SLC6A15: variants seen among roughly 807,000 people sequenced by gnomAD.
SLC6A15 encodes the protein sodium-dependent neutral amino acid transporter B(0)AT2.
A neutral mutation model predicts 68.5 loss-of-function variants in SLC6A15; 33 were observed. The observed-to-expected ratio is 0.48, with a 90% CI of 0.37 to 0.64. SLC6A15 has a LOEUF of 0.64. Ranked by LOEUF, SLC6A15 falls within the 30% of genes least tolerant of loss-of-function variation. SLC6A15 has a pLI of 0.00. For synonymous variants in SLC6A15, 347 were observed against 301.0 expected (o/e 1.15, Z -1.58); for missense variants, 747 against 874.3 (o/e 0.85, Z 1.84).
intron 1 of SLC6A15, among the ~76,000 whole-genome samples, chr12:84,902,709 G>T (rs1322815023): frequency 2.6e-5 from 4 of 151,494 alleles, no homozygotes; most frequent in Non-Finnish European, 4.4e-5. Context: ...TGTACCTAAA[G>T]GAAATGATAC....
chr12:84,903,543 G>A (rs965070336), intron 1 of SLC6A15, among the ~76,000 whole-genome samples: 5 of 152,088 alleles, frequency 3.3e-5, no homozygotes, highest in African/African-American at 4.8e-5. Context: ...CAAAATCAAG[G>A]CGTTACCAGG....
In SLC6A15 at chr12:84,861,876, C is replaced by T. The variant is rs1206250639; in HGVS notation, c.1949G>A (p.Gly650Asp). Residue 650 changes from glycine (G) to aspartate (D), a missense_variant, in exon 12 of 12, where the codon GGT (glycine) becomes GAT (aspartate). Gly to Asp is a moderately conservative substitution (Grantham distance 94, BLOSUM62 -1). Coordinates refer to ENST00000266682, the MANE Select transcript of SLC6A15 (RefSeq NM_182767.6). ...CTTATAGGTCACAGATGCTAAATTA[C>T]CAGAACTATCATCTATAAGGTTGAA... ...RRFNLIDDSS[G>D]NLASVTYKRG... 2 of 1,613,928 alleles carry T rather than the reference C, an allele frequency of 1.2e-6. No homozygotes were observed. Among genetic ancestry groups the T allele is most frequent in the Non-Finnish European group, 1.7e-6 (2 of 1,179,914 alleles).
chr12:84,892,971 T>G (rs1872483117), intron 1 of SLC6A15, among the ~76,000 whole-genome samples: 1 of 152,112 alleles, frequency 6.6e-6, no homozygotes, highest in South Asian at 2.1e-4. Context: ...ATTTTTCTTT[T>G]CTTTGTAGAG....
In SLC6A15 at chr12:84,905,750, AACTG is replaced by A. The variant is rs1215255927; in HGVS notation, c.-189+6769_-189+6772del. Reference sequence around the variant, plus strand: ...GCACAACCTAAGGACACAGAAGCCTAACTGTATAAGTCACATAAATCAAGAAACA... The same window carrying A: ...GCACAACCTAAGGACACAGAAGCCTATATAAGTCACATAAATCAAGAAACA... On this transcript the variant is annotated intron_variant, in intron 1 of 11. Transcript: ENST00000266682. Among the ~76,000 whole-genome samples the A allele has an allele frequency of 2.0e-5, 3 of 152,334 alleles. No homozygotes were observed. In the East Asian group the frequency reaches 5.8e-4, roughly 29 times the overall value.
intron 5 of SLC6A15, 23 bp from the exon 6 acceptor site, chr12:84,876,630 A>G: frequency 8.2e-7 from 1 of 1,218,826 alleles, no homozygotes; most frequent in Non-Finnish European, 1.2e-6. Flanking sequence ...AAAAATAAAA[A>G]TAAGTGAGAT....
intron 5 of SLC6A15, among the ~76,000 whole-genome samples, chr12:84,876,819 C>T (rs11837002): frequency 0.042 from 6,419 of 152,192 alleles, 408 homozygotes; most frequent in African/African-American, 0.14. Flanking sequence ...ACATTTAAAA[C>T]ACACTATCTC....
At chr12:84,872,401 A>G (rs527420613) in intron 8 of SLC6A15, among the ~76,000 whole-genome samples, 78 of 152,302 alleles carry the variant, frequency 5.1e-4, no homozygotes, top group African/African-American at 1.8e-3. Context: ...AAAATAAAGC[A>G]AATCTTTACC....
At chr12:84,884,140 A>C (rs1340912390) in intron 4 of SLC6A15, 100 bp from the exon 5 acceptor site, 1 of 910,900 alleles carries the variant, frequency 1.1e-6, no homozygotes. Flanking sequence ...AATGCTTCCT[A>C]GAAAAGTACT....
chr12:84,883,520 C>A (rs1592602555), intron 5 of SLC6A15: 11 of 1,272,356 alleles, frequency 8.6e-6, no homozygotes, highest in Non-Finnish European at 9.9e-6. Flanking sequence ...CCCCAATTTC[C>A]ATAATTTAAC....
rs535453846 is a variant in SLC6A15, at chr12:84,894,924, T to C, written c.-188-2616A>G. ...TATCGTATAACAACTCTAGCCAAAC[T>C]TTATAAAATAAAATACTTATTAAAA... On this transcript the variant is annotated intron_variant, in intron 1 of 11. Transcript: ENST00000266682. Among the ~76,000 whole-genome samples the C allele has an allele frequency of 9.2e-5, 14 of 152,206 alleles. No homozygotes were observed. The South Asian group carries it at 2.7e-3, about 29-fold the overall frequency.
Position 84,891,911 on chromosome 12 carries a change from G to A in SLC6A15, c.210C>T (p.Tyr70=). The A allele has an allele frequency of 2.5e-6, 4 of 1,614,040 alleles. No homozygotes were observed. Among genetic ancestry groups the A allele is most frequent in the Non-Finnish European group, 3.4e-6 (4 of 1,179,984 alleles). ...CAGAAAATCCAACTTGGGCCAGGATGTATTGTAGTTTACTGTTCCAAGCTG... is the reference window on the plus strand; with the variant it reads ...CAGAAAATCCAACTTGGGCCAGGATATATTGTAGTTTACTGTTCCAAGCTG... ...ERPAWNSKLQ[Y]ILAQVGFSVG... Residue 70 remains tyrosine, a synonymous_variant, in exon 2 of 12, where the codon TAC becomes TAT. Transcript: ENST00000266682.
intron 1 of SLC6A15, among the ~76,000 whole-genome samples, chr12:84,900,652 G>A (rs2120714782): frequency 1.3e-5 from 2 of 151,300 alleles, no homozygotes; most frequent in East Asian, 2.0e-4. Context: ...TCATTAGTTT[G>A]AATTACTGTG....
rs751834252 is a variant in SLC6A15 at position 84,870,700 on chromosome 12, T to G, written c.1303-30A>C. 5.6e-6 allele frequency: 8 copies of G among 1,416,100 alleles called. No individual in the cohort carries two copies. In the East Asian group the frequency reaches 2.0e-4, roughly 35 times the overall value. 87.7% of individuals were successfully genotyped at this position (1,416,100 alleles called of 1,614,324 possible). On this transcript the variant is annotated intron_variant, in intron 8 of 11. Coordinates refer to ENST00000266682, the MANE Select transcript of SLC6A15 (RefSeq NM_182767.6). ...AAAATACACAAAATAGCAACATTAG[T>G]ACAGAGTAATTATTAAACAATGGCT... is the stretch of plus-strand genomic sequence containing the variant.
chr12:84,862,914 C>T (rs904291570), intron 11 of SLC6A15, among the ~76,000 whole-genome samples: 2 of 152,072 alleles, frequency 1.3e-5, no homozygotes, highest in Non-Finnish European at 2.9e-5. Flanking sequence ...CTCAGCCTGA[C>T]GAGTAGCTAG....
chr12:84,880,815 A>C, intron 5 of SLC6A15: 1 of 627,428 alleles, frequency 1.6e-6, no homozygotes, highest in Non-Finnish European at 2.0e-6. Context: ...CATTTTACTA[A>C]AGTGTTTAAA....
chr12:84,881,850 G>A, intron 5 of SLC6A15: 1 of 985,006 alleles, frequency 1.0e-6, no homozygotes, highest in Non-Finnish European at 1.2e-6. Context: ...TCAGATTGAG[G>A]AATTGTGACA....
In SLC6A15 at chr12:84,894,375, C is replaced by T. The variant is rs112359582; in HGVS notation, c.-188-2067G>A. Among the ~76,000 whole-genome samples, 80 of 152,158 alleles carry T rather than the reference C, an allele frequency of 5.3e-4. No individual in the cohort carries two copies. The East Asian group carries it at 6.6e-3, about 12-fold the overall frequency. ...TAGTCTGACAAATTTGGAGTTGTGT[C>T]CTAGCACTATAACTTATTAATTGTG... On this transcript the variant is annotated intron_variant, in intron 1 of 11. Coordinates refer to ENST00000266682, the MANE Select transcript of SLC6A15 (RefSeq NM_182767.6).
At chr12:84,910,849 G>A (rs1444884852) in intron 1 of SLC6A15, among the ~76,000 whole-genome samples, 2 of 152,100 alleles carry the variant, frequency 1.3e-5, no homozygotes, top group Non-Finnish European at 2.9e-5. Context: ...AGCGGGCTCC[G>A]GCATTAGGCT....
At chr12:84,912,224 G>C (rs1873502029) in intron 1 of SLC6A15, among the ~76,000 whole-genome samples, 4 of 152,068 alleles carry the variant, frequency 2.6e-5, no homozygotes, top group Admixed American at 2.6e-4. Context: ...CAATTTCCAC[G>C]ACGGGAAGAA....
Sources: gnomAD v4.1 joint callset for allele counts (sites outside exome capture counted in the v4.1 genomes callset) on GRCh38, gnomAD v4.1.1 for gene constraint, MANE v1.5 for transcripts, NCBI Gene and HGNC (gene_info 2026-07-23, HGNC 2026-07-21) for gene names.